The following CYP2C19 variants were observed in gnomAD, a reference collection of about 807,000 sequenced individuals.
CYP2C19 encodes the protein cytochrome P450 2C19.
CYP2C19 carries 59 observed loss-of-function variants against 40.9 expected under a neutral mutation model. That is an observed-to-expected ratio of 1.44 (90% CI 1.17 to 1.79). CYP2C19 has a LOEUF of 1.79. CYP2C19 is among the 40% of genes most tolerant of loss of function. The probability of loss-of-function intolerance (pLI) is 0.00; values close to 1 mark genes in which losing one functional copy is unlikely to be tolerated. For missense variants in CYP2C19, 754 were observed against 596.9 expected, an observed-to-expected ratio of 1.26 and a Z score of -2.74; for synonymous variants, 253 against 208.7, an observed-to-expected ratio of 1.21 and a Z score of -1.83.
intron 6 of CYP2C19, among the ~76,000 whole-genome samples, chr10:94,824,743 T>G (rs570585956): frequency 2.7e-4 from 41 of 151,992 alleles, no homozygotes; most frequent in East Asian, 9.7e-4. Context: ...GCCATGCTGG[T>G]GCACGGCACC....
intron 1 of CYP2C19, among the ~76,000 whole-genome samples, chr10:94,766,875 G>T (rs915366589): frequency 2.0e-5 from 3 of 152,018 alleles, no homozygotes; most frequent in Non-Finnish European, 4.4e-5. Flanking sequence ...GAGGATTACC[G>T]AGTATGGTCC....
At chr10:94,848,078 T>A (rs1397782840) in intron 7 of CYP2C19, among the ~76,000 whole-genome samples, 1 of 152,220 alleles carries the variant, frequency 6.6e-6, no homozygotes, top group Non-Finnish European at 1.5e-5. Flanking sequence ...GCTCTTTAGT[T>A]TTATTAGATC....
chr10:94,828,167 TG>T lies in CYP2C19; in HGVS notation c.961+7531del, dbSNP rs565509782. Among the ~76,000 whole-genome samples the T allele has an allele frequency of 2.3e-3, 355 of 152,248 alleles. 3 individuals are homozygous for T. The highest frequency in any genetic ancestry group is 3.3e-3 in the East Asian group (17 of 5,182). On this transcript the variant is annotated intron_variant, in intron 6 of 8. Coordinates refer to ENST00000371321, the MANE Select transcript of CYP2C19 (RefSeq NM_000769.4). ...GATTTGGGGTGGAGAGTTCTGTAGATGCCTATTAGGTCCGCTTGGTGCAGAC... is the reference window on the plus strand; with the variant it reads ...GATTTGGGGTGGAGAGTTCTGTAGATCCTATTAGGTCCGCTTGGTGCAGAC...
chr10:94,830,528 C>T (rs562184211), intron 6 of CYP2C19, among the ~76,000 whole-genome samples: 52 of 152,242 alleles, frequency 3.4e-4, no homozygotes, highest in Admixed American at 4.6e-4. Flanking sequence ...GCAGGGTGCA[C>T]GCACCCACTG....
At chr10:94,766,672 G>T (rs1848249116) in intron 1 of CYP2C19, among the ~76,000 whole-genome samples, 1 of 151,980 alleles carries the variant, frequency 6.6e-6, no homozygotes, top group East Asian at 1.9e-4. Flanking sequence ...AGCCTTTTTA[G>T]TCTGGGATGT....
intron 6 of CYP2C19, among the ~76,000 whole-genome samples, chr10:94,828,622 G>T (rs962994972): frequency 2.0e-5 from 3 of 149,058 alleles, no homozygotes; most frequent in South Asian, 2.2e-4. Context: ...TATCCAATTT[G>T]CAAGTCTGTG....
chr10:94,765,772 C>A (rs1848232153), intron 1 of CYP2C19, among the ~76,000 whole-genome samples: 1 of 152,020 alleles, frequency 6.6e-6, no homozygotes, highest in Non-Finnish European at 1.5e-5. Flanking sequence ...AGCGGACAAT[C>A]CATCTGGATA....
intron 6 of CYP2C19, among the ~76,000 whole-genome samples, chr10:94,830,136 G>A (rs1344541268): frequency 7.9e-5 from 12 of 152,208 alleles, no homozygotes; most frequent in African/African-American, 2.7e-4. Flanking sequence ...CCCAGAGGTG[G>A]AGCCTACAGA....
At chr10:94,786,001 C>T (rs1202733285) in intron 5 of CYP2C19, among the ~76,000 whole-genome samples, 1 of 152,084 alleles carries the variant, frequency 6.6e-6, no homozygotes, top group Non-Finnish European at 1.5e-5. Flanking sequence ...TCAGACACTG[C>T]CTTTTCCGGC....
chr10:94,852,666 A>G (rs1377298263), intron 8 of CYP2C19, 67 bp from the exon 9 acceptor site: 6 of 1,542,290 alleles, frequency 3.9e-6, no homozygotes, highest in Non-Finnish European at 5.4e-6. Flanking sequence ...CCAGTTATAG[A>G]GACAGTGTTT....
intron 1 of CYP2C19, among the ~76,000 whole-genome samples, chr10:94,769,415 A>T (rs1331120562): frequency 6.6e-6 from 1 of 152,152 alleles, no homozygotes; most frequent in Admixed American, 6.5e-5. Context: ...AGGCAAAGAG[A>T]AAGTGGGAGT....
chr10:94,794,881 G>A (rs185242560), intron 5 of CYP2C19, among the ~76,000 whole-genome samples: 1 of 151,898 alleles, frequency 6.6e-6, no homozygotes, highest in Non-Finnish European at 1.5e-5. Flanking sequence ...TTTCCTAATT[G>A]AATACCCTTT....
In CYP2C19 at chr10:94,847,535, T is replaced by C. The variant is rs185944047; in HGVS notation, c.1150-2382T>C. Among the ~76,000 whole-genome samples the C allele has an allele frequency of 3.1e-3, 474 of 152,230 alleles. 3 individuals are homozygous for C. The highest frequency in any genetic ancestry group is 0.011 in the African/African-American group (451 of 41,564). Reference sequence around the variant, plus strand: ...CTATTGTGAGTAGTGCTGCAATAAATATACGTGTGCATGTGTCTTTATAGT... The same window carrying C: ...CTATTGTGAGTAGTGCTGCAATAAACATACGTGTGCATGTGTCTTTATAGT... On this transcript the variant is annotated intron_variant, in intron 7 of 8. Coordinates refer to ENST00000371321, the MANE Select transcript of CYP2C19 (RefSeq NM_000769.4).
chr10:94,776,302 A>G (rs1282993204), intron 3 of CYP2C19: 1 of 152,054 alleles, frequency 6.6e-6, no homozygotes, highest in Non-Finnish European at 1.5e-5. Flanking sequence ...CTTAAGTATA[A>G]TTTGGCTCTG....
chr10:94,790,469 A>T (rs965786720), intron 5 of CYP2C19, among the ~76,000 whole-genome samples: 5 of 152,088 alleles, frequency 3.3e-5, no homozygotes, highest in African/African-American at 1.2e-4. Flanking sequence ...TCAGTATGAT[A>T]TTGGCTGTGG....
intron 6 of CYP2C19, among the ~76,000 whole-genome samples, chr10:94,840,718 G>A (rs1006006298): frequency 2.0e-5 from 3 of 152,302 alleles, no homozygotes; most frequent in Admixed American, 6.5e-5. Flanking sequence ...CCAGGAGTTC[G>A]GGACAACAGC....
At chr10:94,789,549 A>G (rs1848581299) in intron 5 of CYP2C19, among the ~76,000 whole-genome samples, 1 of 152,110 alleles carries the variant, frequency 6.6e-6, no homozygotes, top group Admixed American at 6.5e-5. Context: ...ATCCAGTTTC[A>G]GCTTTCTCCA....
In CYP2C19 at chr10:94,811,327, TGAAGTGGTGCTGA is replaced by T. The variant is rs528138793; in HGVS notation, c.820-9164_820-9152del. Among the ~76,000 whole-genome samples the T allele has an allele frequency of 3.1e-3, 474 of 152,276 alleles. 3 individuals are homozygous for T. The highest frequency in any genetic ancestry group is 0.011 in the African/African-American group (451 of 41,570). ...TATGTGGTCAATTTTAGAATAAGTGTGAAGTGGTGCTGAGAAGAATGTATATTCTGTTGATTTA... is the reference window on the plus strand; with the variant it reads ...TATGTGGTCAATTTTAGAATAAGTGTGAAGAATGTATATTCTGTTGATTTA... On this transcript the variant is annotated intron_variant, in intron 5 of 8. Coordinates refer to ENST00000371321, the MANE Select transcript of CYP2C19 (RefSeq NM_000769.4).
At chr10:94,816,913 A>AT (rs1274850540) in intron 5 of CYP2C19, among the ~76,000 whole-genome samples, 1 of 142,588 alleles carries the variant, frequency 7.0e-6, no homozygotes, top group Non-Finnish European at 1.5e-5. Context: ...TGAACTCATC[A>AT]TTTTTTATGG....
Sources: gnomAD v4.1 joint callset for allele counts (sites outside exome capture counted in the v4.1 genomes callset) on GRCh38, gnomAD v4.1.1 for gene constraint, MANE v1.5 for transcripts, NCBI Gene and HGNC (gene_info 2026-07-23, HGNC 2026-07-21) for gene names.